ADCY2: variants seen among roughly 807,000 people sequenced by gnomAD.
ADCY2 encodes the protein adenylate cyclase type 2.
A neutral mutation model predicts 125.2 loss-of-function variants in ADCY2; 31 were observed. The observed-to-expected ratio is 0.25, with a 90% CI of 0.19 to 0.33. The LOEUF (loss-of-function observed/expected upper bound fraction) is 0.33. ADCY2 is among the 10% of genes least tolerant of loss of function. The pLI is 1.00. For synonymous variants in ADCY2, 512 were observed against 548.4 expected, an observed-to-expected ratio of 0.93 and a Z score of 0.93; for missense variants, 904 against 1,418.2, an observed-to-expected ratio of 0.64 and a Z score of 5.82.
intron 22 of ADCY2, among the ~76,000 whole-genome samples, chr5:7,807,307 C>T (rs1744786909): frequency 6.6e-6 from 1 of 152,200 alleles, no homozygotes; most frequent in African/African-American, 2.4e-5. Context: ...GAGTCCATAG[C>T]CACTGCCTTT....
intron 14 of ADCY2, among the ~76,000 whole-genome samples, chr5:7,738,939 A>C (rs760677622): frequency 6.6e-6 from 1 of 151,904 alleles, no homozygotes; most frequent in Non-Finnish European, 1.5e-5. Flanking sequence ...TGACAAAATC[A>C]AAGAAAAAAA....
At chr5:7,508,366 C>T (rs571253085) in intron 2 of ADCY2, among the ~76,000 whole-genome samples, 75 of 152,316 alleles carry the variant, frequency 4.9e-4, no homozygotes, top group Non-Finnish European at 9.1e-4. Flanking sequence ...CACACCCCCT[C>T]GTCTTCAGGT....
At chr5:7,517,804 A>T (rs1281088600) in intron 2 of ADCY2, among the ~76,000 whole-genome samples, 1 of 152,154 alleles carries the variant, frequency 6.6e-6, no homozygotes, top group Non-Finnish European at 1.5e-5. Context: ...TTTAATGGAG[A>T]CGGTATTAGA....
At chr5:7,558,013 C>T (rs753545260) in intron 3 of ADCY2, among the ~76,000 whole-genome samples, 8 of 152,086 alleles carry the variant, frequency 5.3e-5, no homozygotes, top group Non-Finnish European at 1.2e-4. Flanking sequence ...TTCTCCACAA[C>T]CTCACCAGCA....
intron 3 of ADCY2, among the ~76,000 whole-genome samples, chr5:7,535,943 G>T (rs1424651556): frequency 2.0e-5 from 3 of 152,188 alleles, no homozygotes; most frequent in Non-Finnish European, 2.9e-5. Flanking sequence ...GTCAGAGAAG[G>T]TCGCCATTTT....
intron 3 of ADCY2, among the ~76,000 whole-genome samples, chr5:7,534,775 T>A (rs1347220494): frequency 6.6e-6 from 1 of 152,216 alleles, no homozygotes; most frequent in African/African-American, 2.4e-5. Context: ...AGTGTGGCGG[T>A]GTCAGTGTCC....
At chr5:7,421,065 A>G (rs1161546341) in intron 2 of ADCY2, among the ~76,000 whole-genome samples, 4 of 151,982 alleles carry the variant, frequency 2.6e-5, no homozygotes, top group South Asian at 2.1e-4. Context: ...ATTTCTACCC[A>G]TAATTGCTGT....
At position 7,521,389 on chromosome 5, in the gene ADCY2, A is replaced by T. The variant is rs1295123371; in HGVS notation, c.570+490A>T. Among the ~76,000 whole-genome samples the T allele has an allele frequency of 3.3e-5, 5 of 152,198 alleles. No homozygotes were observed. The South Asian group carries it at 1.0e-3, about 32-fold the overall frequency. On this transcript the variant is annotated intron_variant, in intron 3 of 24. Coordinates refer to ENST00000338316, the MANE Select transcript of ADCY2 (RefSeq NM_020546.3). Reference sequence around the variant, plus strand: ...AAAAAGTAATTCTTTAAAATGGTACAACAACAAATTTTTCCTTACTAATAA... The same window carrying T: ...AAAAAGTAATTCTTTAAAATGGTACTACAACAAATTTTTCCTTACTAATAA...
chr5:7,425,240 G>A (rs977098135), intron 2 of ADCY2, among the ~76,000 whole-genome samples: 2 of 152,186 alleles, frequency 1.3e-5, no homozygotes, highest in Admixed American at 1.3e-4. Flanking sequence ...TTACAAGGGA[G>A]GAAAAATGTT....
chr5:7,501,658 C>CCCCCCCT (rs1554014577), intron 2 of ADCY2, among the ~76,000 whole-genome samples: 3 of 115,546 alleles, frequency 2.6e-5, no homozygotes, highest in African/African-American at 9.3e-5. Context: ...CCCCCCCCCC[C>CCCCCCCT]GCCAGTAACT....
rs578078526 is a variant in ADCY2, at chr5:7,802,953, C to G, written c.2775+589C>G. Among the ~76,000 whole-genome samples, 11 of 152,314 alleles carry G rather than the reference C, an allele frequency of 7.2e-5. No individual in the cohort carries two copies. Among genetic ancestry groups the G allele is most frequent in the Admixed American group, 6.5e-5 (1 of 15,294 alleles). On this transcript the variant is annotated intron_variant, in intron 21 of 24. Coordinates refer to ENST00000338316, the MANE Select transcript of ADCY2 (RefSeq NM_020546.3). This position sits in a 1 kb window ranked among gnomAD's most constrained non-coding sequence, Gnocchi z 4.6. ...CTGGTTTAAGGATATTGCAGCCACA[C>G]TATTCTTATCACTATCTTGCAAAAT... is the stretch of plus-strand genomic sequence containing the variant.
chr5:7,713,640 A>G (rs763030712), intron 11 of ADCY2, among the ~76,000 whole-genome samples: 1 of 152,200 alleles, frequency 6.6e-6, no homozygotes, highest in Non-Finnish European at 1.5e-5. Flanking sequence ...AAATGTCTCC[A>G]CACGCCCTGT....
chr5:7,468,830 C>T (rs1309897779), intron 2 of ADCY2, among the ~76,000 whole-genome samples: 1 of 152,070 alleles, frequency 6.6e-6, no homozygotes, highest in African/African-American at 2.4e-5. Context: ...AAACCAAATG[C>T]TAAAATGACT....
intron 4 of ADCY2, among the ~76,000 whole-genome samples, chr5:7,644,872 G>C (rs1738842729): frequency 6.6e-6 from 1 of 152,218 alleles, no homozygotes; most frequent in South Asian, 2.1e-4. Context: ...CCATACAGTA[G>C]TATCATATTA....
At chr5:7,587,417 A>T (rs187617938) in intron 3 of ADCY2, among the ~76,000 whole-genome samples, 2 of 152,302 alleles carry the variant, frequency 1.3e-5, no homozygotes, top group Non-Finnish European at 2.9e-5. Flanking sequence ...CTTTCATTTC[A>T]ATTTTATTTT....
intron 4 of ADCY2, among the ~76,000 whole-genome samples, chr5:7,661,367 A>G (rs1480489546): frequency 6.6e-6 from 1 of 152,216 alleles, no homozygotes; most frequent in Non-Finnish European, 1.5e-5. Flanking sequence ...TGGAAAATGC[A>G]TACTTGGCAA....
intron 20 of ADCY2, 21 bp downstream of exon 20, chr5:7,789,821 G>A (rs1199700930): frequency 6.8e-7 from 1 of 1,477,448 alleles, no homozygotes; most frequent in Non-Finnish European, 9.0e-7. Context: ...GGGGGCTGGG[G>A]GCTGGGGGAG....
intron 3 of ADCY2, among the ~76,000 whole-genome samples, chr5:7,579,088 G>A (rs949262120): frequency 1.1e-4 from 16 of 152,070 alleles, no homozygotes; most frequent in Non-Finnish European, 1.9e-4. Flanking sequence ...TTTTCCAGTG[G>A]GGTAATATAG....
intron 18 of ADCY2, among the ~76,000 whole-genome samples, chr5:7,776,096 A>G (rs143784252): frequency 1.4e-3 from 218 of 151,936 alleles, no homozygotes; most frequent in African/African-American, 5.0e-3. Context: ...CTGAGATCCA[A>G]GAGCTTTTCC....
Sources: allele counts gnomAD v4.1 joint callset (sites outside exome capture counted in the v4.1 genomes callset), GRCh38; gene constraint gnomAD v4.1.1; non-coding constraint Gnocchi (gnomAD v3.1); transcripts MANE v1.5; gene names NCBI Gene and HGNC (gene_info 2026-07-23, HGNC 2026-07-21).